Variants in ZFPM2 observed in about 807,000 individuals in gnomAD.
ZFPM2 encodes the protein zinc finger protein, FOG family member 2.
A neutral mutation model predicts 98.6 loss-of-function variants in ZFPM2; 20 were observed. The observed-to-expected ratio is 0.20, with a 90% CI of 0.14 to 0.29. The LOEUF is 0.29. Among genes scored for constraint, ZFPM2 ranks in the 10% least tolerant of loss-of-function variants. ZFPM2 has a pLI of 1.00. For synonymous variants in ZFPM2, 518 were observed against 502.7 expected, an observed-to-expected ratio of 1.03 and a Z score of -0.41; for missense variants, 1,310 against 1,388.6, an observed-to-expected ratio of 0.94 and a Z score of 0.90.
At chr8:105,400,627 A>G (rs1054823858) in intron 1 of ZFPM2, among the ~76,000 whole-genome samples, 2 of 152,140 alleles carry the variant, frequency 1.3e-5, no homozygotes, top group African/African-American at 2.4e-5. Context: ...ATTTTCTCCA[A>G]TGCTTGGAAT....
At chr8:105,470,529 A>C (rs749759350) in intron 3 of ZFPM2, among the ~76,000 whole-genome samples, 10 of 152,130 alleles carry the variant, frequency 6.6e-5, no homozygotes, top group Non-Finnish European at 1.5e-4. Flanking sequence ...TTTATTGTGC[A>C]CTTTGGGAGG....
chr8:105,620,791 C>T (rs1011138599), intron 4 of ZFPM2, among the ~76,000 whole-genome samples: 3 of 152,114 alleles, frequency 2.0e-5, no homozygotes, highest in African/African-American at 4.8e-5. Context: ...AATAGGGAAT[C>T]CTTTCCCCAT....
At chr8:105,401,072 T>A (rs1279859595) in intron 1 of ZFPM2, among the ~76,000 whole-genome samples, 4 of 152,038 alleles carry the variant, frequency 2.6e-5, no homozygotes, top group Non-Finnish European at 4.4e-5. Context: ...CTTCTAGGAA[T>A]GTATTATGTA....
chr8:105,765,594 A>G (rs1313910769), intron 5 of ZFPM2, among the ~76,000 whole-genome samples: 9 of 151,984 alleles, frequency 5.9e-5, no homozygotes, highest in Non-Finnish European at 1.3e-4. Context: ...ATCCGAAGAG[A>G]AGCATGCCCT....
chr8:105,563,407 T>C (rs1466895300), intron 4 of ZFPM2, among the ~76,000 whole-genome samples: 1 of 152,208 alleles, frequency 6.6e-6, no homozygotes, highest in African/African-American at 2.4e-5. Flanking sequence ...CATGTATTTA[T>C]CCATAAAAGG....
At chr8:105,350,327 A>T (rs1812616513) in intron 1 of ZFPM2, among the ~76,000 whole-genome samples, 1 of 152,208 alleles carries the variant, frequency 6.6e-6, no homozygotes, top group East Asian at 1.9e-4. Flanking sequence ...GGTTTTGAAA[A>T]GGAAAGGAAC....
chr8:105,732,704 G>A (rs1286192120), intron 5 of ZFPM2, among the ~76,000 whole-genome samples: 1 of 151,728 alleles, frequency 6.6e-6, no homozygotes, highest in Non-Finnish European at 1.5e-5. Flanking sequence ...TATTCATTTT[G>A]TAAATTACAG....
chr8:105,579,932 C>A (rs1025488314), intron 4 of ZFPM2, among the ~76,000 whole-genome samples: 4 of 152,126 alleles, frequency 2.6e-5, no homozygotes, highest in Non-Finnish European at 5.9e-5. Flanking sequence ...TCCTGCCATT[C>A]TGTGAACCAA....
intron 4 of ZFPM2, among the ~76,000 whole-genome samples, chr8:105,604,084 A>G (rs1330152933): frequency 6.6e-6 from 1 of 151,908 alleles, no homozygotes; most frequent in African/African-American, 2.4e-5. Flanking sequence ...ACTTGACATC[A>G]CTGTATCACA....
chr8:105,537,487 A>G (rs1395916759), intron 3 of ZFPM2, among the ~76,000 whole-genome samples: 1 of 152,138 alleles, frequency 6.6e-6, no homozygotes, highest in Non-Finnish European at 1.5e-5. Flanking sequence ...GCTATCCTGG[A>G]CAACATAGCA....
intron 1 of ZFPM2, among the ~76,000 whole-genome samples, chr8:105,409,167 A>C (rs1811525850): frequency 6.6e-6 from 1 of 151,784 alleles, no homozygotes; most frequent in South Asian, 2.1e-4. Context: ...AAAAGAGGGG[A>C]TGAAGAGAAT....
chr8:105,653,231 G>T (rs1817215159), intron 5 of ZFPM2, among the ~76,000 whole-genome samples: 2 of 152,062 alleles, frequency 1.3e-5, no homozygotes, highest in Non-Finnish European at 2.9e-5. Context: ...GACAAATTAA[G>T]ATAATGATTT....
At chr8:105,546,583 A>ACAAC (rs1554615909) in intron 3 of ZFPM2, among the ~76,000 whole-genome samples, 1 of 149,740 alleles carries the variant, frequency 6.7e-6, no homozygotes, top group African/African-American at 2.5e-5. Flanking sequence ...AAAAAAAAAA[A>ACAAC]ACAAACCCAA....
chr8:105,729,485 A>G (rs1212978900), intron 5 of ZFPM2, among the ~76,000 whole-genome samples: 1 of 151,676 alleles, frequency 6.6e-6, no homozygotes, highest in Non-Finnish European at 1.5e-5. Flanking sequence ...ATAATAATGT[A>G]TTGTATAGAC....
intron 3 of ZFPM2, among the ~76,000 whole-genome samples, chr8:105,490,419 A>G (rs577912062): frequency 6.6e-6 from 1 of 152,366 alleles, no homozygotes; most frequent in African/African-American, 2.4e-5. Flanking sequence ...ATTTCTACAT[A>G]AACAGCAATA....
intron 4 of ZFPM2, among the ~76,000 whole-genome samples, chr8:105,563,508 T>G (rs1313318728): frequency 6.6e-6 from 1 of 152,194 alleles, no homozygotes; most frequent in Non-Finnish European, 1.5e-5. Context: ...CAATTTGTTC[T>G]AGGTGGACCA....
intron 1 of ZFPM2, among the ~76,000 whole-genome samples, chr8:105,363,978 G>A (rs961510735): frequency 6.6e-6 from 1 of 151,646 alleles, no homozygotes; most frequent in Admixed American, 6.6e-5. Flanking sequence ...TGAGATATAG[G>A]TTTTTTTTCT....
At chr8:105,330,766 A>T (rs1812218520) in intron 1 of ZFPM2, among the ~76,000 whole-genome samples, 1 of 149,772 alleles carries the variant, frequency 6.7e-6, no homozygotes, top group Admixed American at 6.7e-5. Flanking sequence ...TACATTGCTG[A>T]TGGGAGTCTG....
chr8:105,444,092 T>G (rs1189810497), intron 2 of ZFPM2, among the ~76,000 whole-genome samples, 188 bp from the exon 3 acceptor site: 2 of 152,238 alleles, frequency 1.3e-5, no homozygotes, highest in African/African-American at 4.8e-5. Context: ...TGATAACAAA[T>G]ACTGATTTTC....
Sources: allele counts gnomAD v4.1 joint callset (sites outside exome capture counted in the v4.1 genomes callset), GRCh38; gene constraint gnomAD v4.1.1; transcripts MANE v1.5; gene names NCBI Gene and HGNC (gene_info 2026-07-23, HGNC 2026-07-21).